BROX: variants seen among roughly 807,000 people sequenced by gnomAD.
BROX encodes BRO1 domain-containing protein BROX.
A neutral mutation model predicts 61.0 loss-of-function variants in BROX; 53 were observed. The observed-to-expected ratio is 0.87, with a 90% CI of 0.70 to 1.09. BROX has a LOEUF of 1.09. Ranked by LOEUF, BROX falls within the 50% of genes least tolerant of loss-of-function variation. The pLI is 0.00. For missense variants in BROX, 489 were observed against 472.0 expected (o/e 1.04, Z -0.33); for synonymous variants, 152 against 160.2 (o/e 0.95, Z 0.38).
In BROX at chr1:222,725,481, C is replaced by A. The variant is rs750490083; in HGVS notation, c.506C>A (p.Ala169Glu). ...CATCTCCCAAAACTCATTACACCTG[C>A]GGAAAAAGGAAGAGATTTAGAGTCA... ...ESHLPKLITPAEKGRDLESRL... is the reference protein window; with the variant it reads ...ESHLPKLITPEEKGRDLESRL... Residue 169 changes from alanine (A) to glutamate (E), a missense_variant, in exon 7 of 13, where the codon GCG (alanine) becomes GAG (glutamate). Physicochemically the swap from Ala to Glu is moderately radical, Grantham distance 107 (BLOSUM62 -1). Coordinates refer to ENST00000340934, the MANE Select transcript of BROX (RefSeq NM_144695.4). The A allele has an allele frequency of 3.6e-5, 58 of 1,611,612 alleles. No individual in the cohort carries two copies. Among genetic ancestry groups the A allele is most frequent in the Non-Finnish European group, 4.7e-5 (55 of 1,179,116 alleles).
intron 8 of BROX, 141 bp from the exon 9 acceptor site, chr1:222,728,602 G>A: frequency 2.1e-6 from 1 of 478,968 alleles, no homozygotes; most frequent in Non-Finnish European, 3.8e-6. Flanking sequence ...TCAAGTAAAG[G>A]TGTTTTTAAA....
intron 3 of BROX, 69 bp downstream of exon 3, chr1:222,719,100 T>C: frequency 2.8e-6 from 4 of 1,431,122 alleles, no homozygotes; most frequent in Non-Finnish European, 3.9e-6. Context: ...ATTCTTTGAC[T>C]TTTCAAATTT....
chr1:222,730,525 A>G (rs1657856129), intron 11 of BROX, among the ~76,000 whole-genome samples: 3 of 152,158 alleles, frequency 2.0e-5, no homozygotes, highest in Admixed American at 2.0e-4. Context: ...GAAGCTGGGA[A>G]GTCAAGGCTG....
At chr1:222,716,902 T>A (rs2124999400) in intron 2 of BROX, among the ~76,000 whole-genome samples, 1 of 151,838 alleles carries the variant, frequency 6.6e-6, no homozygotes, top group East Asian at 1.9e-4. Flanking sequence ...GAAGGAGGAG[T>A]CAATGGACCT....
chr1:222,720,640 T>G (rs1211749253), intron 4 of BROX, among the ~76,000 whole-genome samples: 1 of 151,982 alleles, frequency 6.6e-6, no homozygotes, highest in African/African-American at 2.4e-5. Context: ...GGTAAAACAC[T>G]GTCTCTACTA....
chr1:222,723,992 C>A, intron 5 of BROX, 100 bp from the exon 6 acceptor site: 1 of 798,128 alleles, frequency 1.3e-6, no homozygotes, highest in East Asian at 2.7e-5. Context: ...CAGTGAGAAA[C>A]ATAAATGACT....
chr1:222,723,696 A>G (rs1420242606), intron 5 of BROX, among the ~76,000 whole-genome samples: 1 of 151,610 alleles, frequency 6.6e-6, no homozygotes, highest in Non-Finnish European at 1.5e-5. Flanking sequence ...TGGCGGGGGG[A>G]TGGAGTGCCG....
At chr1:222,731,569 T>G in intron 12 of BROX, 53 bp downstream of exon 12, 2 of 1,531,624 alleles carry the variant, frequency 1.3e-6, no homozygotes, top group Non-Finnish European at 1.8e-6. Context: ...TAAAAGAAAA[T>G]TCAGAGTTAG....
At chr1:222,720,205 A>T (rs1426139342) in intron 4 of BROX, among the ~76,000 whole-genome samples, 2 of 152,110 alleles carry the variant, frequency 1.3e-5, no homozygotes, top group Non-Finnish European at 2.9e-5. Context: ...GCAAAATAAG[A>T]AAATTTTTGT....
chr1:222,724,501 C>A (rs1281868397), intron 6 of BROX, among the ~76,000 whole-genome samples: 4 of 152,158 alleles, frequency 2.6e-5, no homozygotes, highest in African/African-American at 9.7e-5. Context: ...ACAGAAGTTA[C>A]CAGGAGCAGT....
At chr1:222,727,311 T>G (rs1657581812) in intron 8 of BROX, 54 bp downstream of exon 8, 1 of 1,345,746 alleles carries the variant, frequency 7.4e-7, no homozygotes, top group African/African-American at 1.4e-5. Context: ...TCAGATTTAT[T>G]TGATCTTGAA....
Position 222,722,433 on chromosome 1 carries a change from C to T in BROX, c.320C>T (p.Ala107Val). 6.2e-7 allele frequency: 1 copy of T among 1,612,484 alleles called. No homozygotes were observed. The highest frequency in any genetic ancestry group is 1.1e-5 in the South Asian group (1 of 91,012). ...QGQVPSAQQD[A>V]VFELISMGFN... is the part of the protein sequence containing the mutation. ...TATAATTCCAGTGCCCAGCAGGATGCTGTTTTTGAATTAATTTCCATGGGA... is the reference window on the plus strand; with the variant it reads ...TATAATTCCAGTGCCCAGCAGGATGTTGTTTTTGAATTAATTTCCATGGGA... Residue 107 changes from alanine to valine, a missense_variant, in exon 5 of 13, where the codon GCT becomes GTT. Transcript: ENST00000340934.
rs771532743 is a variant in BROX, at chr1:222,712,734, C to A, written c.-225C>A. ...TTTTGAGGGGACTGCAACGCCGCGG[C>A]AATACCCGCCCCTGAGCTGCGCGCA... is the stretch of plus-strand genomic sequence containing the variant. On this transcript the variant is annotated 5_prime_UTR_variant, in exon 1 of 13. Transcript: ENST00000340934. 1 of 1,290,480 alleles carries A rather than the reference C, an allele frequency of 7.7e-7. No homozygotes were observed. Among genetic ancestry groups the A allele is most frequent in the South Asian group, 1.2e-5 (1 of 80,978 alleles). 79.9% of individuals were successfully genotyped at this position (1,290,480 alleles called of 1,614,324 possible). A position where few individuals can be genotyped will look rare whatever the true frequency, so the allele number is the denominator to read the frequency against.
chr1:222,712,758 C>G lies in BROX; in HGVS notation c.-201C>G. On this transcript the variant is annotated 5_prime_UTR_variant, in exon 1 of 13. Transcript: ENST00000340934. ...GCAATACCCGCCCCTGAGCTGCGCG[C>G]ACTACCGCCTCGGTAGCTATCATGG... 7.8e-7 allele frequency: 1 copy of G among 1,289,898 alleles called. No individual in the cohort carries two copies. The highest frequency in any genetic ancestry group is 1.0e-6 in the Non-Finnish European group (1 of 989,222). The allele number at this position is 1,289,898 out of a possible 1,614,324, so 79.9% of individuals were successfully genotyped here.
chr1:222,718,848 T>C lies in BROX; in HGVS notation c.102-77T>C. 4 of 1,175,110 alleles carry C rather than the reference T, an allele frequency of 3.4e-6. No individual in the cohort carries two copies. In the South Asian group the frequency reaches 5.1e-5, roughly 15 times the overall value. 72.8% of individuals were successfully genotyped at this position (1,175,110 alleles called of 1,614,324 possible). A position where few individuals can be genotyped will look rare whatever the true frequency, so the allele number is the denominator to read the frequency against. On this transcript the variant is annotated intron_variant, in intron 2 of 12. Transcript: ENST00000340934. ...GTGTGTGTGTTTTAAAGCTTTTACA[T>C]TGAAACCTGGAAGCCACTTTTATGT...
intron 6 of BROX, among the ~76,000 whole-genome samples, chr1:222,725,191 C>T (rs1657409525): frequency 6.6e-6 from 1 of 152,178 alleles, no homozygotes; most frequent in Non-Finnish European, 1.5e-5. Flanking sequence ...GATAGTGTGA[C>T]TTGCGTATCT....
rs527590735 is a variant in BROX at position 222,729,665 on chromosome 1, G to A, written c.802G>A (p.Gly268Ser). ...GACTTTATTGGCTAGTGATAAATGC[G>A]GTGAAGCAATCAGGTCTCTCCAAGA... ...GETLLASDKC[G>S]EAIRSLQEAE... is the part of the protein sequence containing the mutation. The change falls in exon 10 of 13, where the codon GGT (glycine) becomes AGT (serine). Residue 268 changes from glycine (G) to serine (S), a missense_variant. Transcript: ENST00000340934. 3.5e-5 allele frequency: 57 copies of A among 1,612,512 alleles called. No individual in the cohort carries two copies. Among genetic ancestry groups the A allele is most frequent in the Admixed American group, 1.2e-4 (7 of 60,006 alleles).
In BROX at chr1:222,725,490, G is replaced by A. The variant is rs1403662963; in HGVS notation, c.515G>A (p.Gly172Glu). Residue 172 changes from glycine (G) to glutamate (E), a missense_variant, in exon 7 of 13, where the codon GGA becomes GAA. Transcript: ENST00000340934. ...LPKLITPAEK[G>E]RDLESRLIEA... Reference sequence around the variant, plus strand: ...AAACTCATTACACCTGCGGAAAAAGGAAGAGATTTAGAGTCACGACTCATA... The same window carrying A: ...AAACTCATTACACCTGCGGAAAAAGAAAGAGATTTAGAGTCACGACTCATA... 1 of 1,612,972 alleles carries A rather than the reference G, an allele frequency of 6.2e-7. No homozygotes were observed. Among genetic ancestry groups the A allele is most frequent in the Non-Finnish European group, 8.5e-7 (1 of 1,179,610 alleles).
In BROX at chr1:222,712,735, A is replaced by T; in HGVS notation, c.-224A>T. On this transcript the variant is annotated 5_prime_UTR_variant, in exon 1 of 13. Coordinates refer to ENST00000340934, the MANE Select transcript of BROX (RefSeq NM_144695.4). ...TTTGAGGGGACTGCAACGCCGCGGC[A>T]ATACCCGCCCCTGAGCTGCGCGCAC... 7.7e-7 allele frequency: 1 copy of T among 1,290,474 alleles called. No homozygotes were observed. Among genetic ancestry groups the T allele is most frequent in the South Asian group, 1.2e-5 (1 of 80,974 alleles). The allele number at this position is 1,290,474 out of a possible 1,614,324, so 79.9% of individuals were successfully genotyped here.
Sources: allele counts gnomAD v4.1 joint callset (sites outside exome capture counted in the v4.1 genomes callset), GRCh38; gene constraint gnomAD v4.1.1; transcripts MANE v1.5; gene names NCBI Gene and HGNC (gene_info 2026-07-23, HGNC 2026-07-21).